Variants in ST6GALNAC4 observed in about 807,000 individuals in gnomAD.
The protein encoded by ST6GALNAC4 is ST6 N-acetylgalactosaminide alpha-2,6-sialyltransferase 4.
ST6GALNAC4 carries 24 observed loss-of-function variants against 30.4 expected under a neutral mutation model. The observed-to-expected ratio is 0.79, with a 90% CI of 0.57 to 1.11. The LOEUF is 1.11. Among genes scored for constraint, ST6GALNAC4 ranks in the 50% most tolerant of loss-of-function variants. ST6GALNAC4 has a pLI of 0.00. For synonymous variants in ST6GALNAC4, 156 were observed against 179.7 expected, an observed-to-expected ratio of 0.87 and a Z score of 1.05; for missense variants, 365 against 430.1, an observed-to-expected ratio of 0.85 and a Z score of 1.34.
Position 127,908,240 on chromosome 9 carries a change from C to T in ST6GALNAC4, c.*152G>A, listed in dbSNP as rs528408201. On this transcript the variant is annotated 3_prime_UTR_variant, in exon 6 of 6. Transcript: ENST00000335791. ...TGAGGCCTGAGATGGCTCCAAGTGT[C>T]GCCAGAATGGGGCGGGAAGGAACCT... 1.5e-5 allele frequency: 9 copies of T among 593,386 alleles called. No homozygotes were observed. The highest frequency in any genetic ancestry group is 5.3e-4 in the Middle Eastern group (1 of 1,894). 36.8% of individuals were successfully genotyped at this position (593,386 alleles called of 1,614,324 possible).
At chr9:127,913,529 G>A (rs914838554) in intron 3 of ST6GALNAC4, among the ~76,000 whole-genome samples, 8 of 152,196 alleles carry the variant, frequency 5.3e-5, no homozygotes, top group Admixed American at 3.3e-4. Context: ...AGGTTGCAGT[G>A]AGCCGAGATT....
Position 127,916,470 on chromosome 9 carries a change from C to T in ST6GALNAC4, c.-51G>A. On this transcript the variant is annotated 5_prime_UTR_variant, in exon 2 of 6. Coordinates refer to ENST00000335791, the MANE Select transcript of ST6GALNAC4 (RefSeq NM_175039.4). ...GGGGCTGCTGTCTCCAGGGCTGGGG[C>T]TGGGAAGGGGTGGGAGCCGGGCACC... 6.2e-7 allele frequency: 1 copy of T among 1,612,586 alleles called. No homozygotes were observed. Among genetic ancestry groups the T allele is most frequent in the Admixed American group, 1.7e-5 (1 of 60,012 alleles).
chr9:127,913,490 C>A (rs550473761), intron 3 of ST6GALNAC4, among the ~76,000 whole-genome samples: 63 of 152,294 alleles, frequency 4.1e-4, no homozygotes, highest in African/African-American at 1.4e-3. Context: ...GAGACTGAGG[C>A]AGAAGAATCC....
At chr9:127,909,401 A>C (rs1306363076) in intron 5 of ST6GALNAC4, among the ~76,000 whole-genome samples, 1 of 151,484 alleles carries the variant, frequency 6.6e-6, no homozygotes, top group Non-Finnish European at 1.5e-5. Context: ...AAAAAAAAAA[A>C]AGAAATATAA....
At position 127,908,429 on chromosome 9, in the gene ST6GALNAC4, G is replaced by A. The variant is rs1479798018; in HGVS notation, c.872C>T (p.Pro291Leu). Residue 291 changes from proline to leucine, a missense_variant, in exon 6 of 6, where the codon CCC becomes CTC. By Grantham distance (98) the Pro-to-Leu change is moderately conservative (BLOSUM62 -3). Transcript: ENST00000335791. ...CCAGGACGGATGGGCGAACACGATG[G>A]GCCTCTTCTTGGCCCAGCGGGAGAA... The part of the protein sequence containing the change: ...AVFSRWAKKR[P>L]IVFAHPSWRT... 2 of 1,593,940 alleles carry A rather than the reference G, an allele frequency of 1.3e-6. No individual in the cohort carries two copies.
chr9:127,913,596 A>T (rs1047834296), intron 3 of ST6GALNAC4, among the ~76,000 whole-genome samples: 1 of 151,370 alleles, frequency 6.6e-6, no homozygotes, highest in African/African-American at 2.4e-5. Flanking sequence ...ATAAATAAAC[A>T]AATAAAAATA....
In ST6GALNAC4 at chr9:127,908,369, G is replaced by A; in HGVS notation, c.*23C>T. ...CATCCCGGAGGCCTCGCAACGGCAT[G>A]GCGACTGGCAGGACGACGGAAGCTA... On this transcript the variant is annotated 3_prime_UTR_variant, in exon 6 of 6. Coordinates refer to ENST00000335791, the MANE Select transcript of ST6GALNAC4 (RefSeq NM_175039.4). The A allele has an allele frequency of 6.6e-7, 1 of 1,516,302 alleles. No homozygotes were observed. The highest frequency in any genetic ancestry group is 8.9e-7 in the Non-Finnish European group (1 of 1,122,742). The allele number at this position is 1,516,302 out of a possible 1,614,324, so 93.9% of individuals were successfully genotyped here.
chr9:127,910,590 C>T (rs1831054205), intron 4 of ST6GALNAC4: 2 of 991,036 alleles, frequency 2.0e-6, no homozygotes, highest in African/African-American at 1.7e-5. Context: ...CCAGCCCCTG[C>T]CCGCATGCCC....
chr9:127,913,170 G>A (rs371634918), intron 3 of ST6GALNAC4, among the ~76,000 whole-genome samples: 21 of 152,260 alleles, frequency 1.4e-4, no homozygotes, highest in African/African-American at 5.1e-4. Flanking sequence ...GCCCAGGACA[G>A]CTGTGGGACT....
At chr9:127,912,723 C>T (rs768854782) in intron 3 of ST6GALNAC4, 43 bp from the exon 4 acceptor site, 26 of 1,502,266 alleles carry the variant, frequency 1.7e-5, no homozygotes, top group East Asian at 2.4e-5. Context: ...GGCATGAACA[C>T]GCAGCTTACA....
intron 2 of ST6GALNAC4, 191 bp downstream of exon 2, chr9:127,916,217 G>T: frequency 1.4e-6 from 1 of 705,744 alleles, no homozygotes; most frequent in Non-Finnish European, 2.5e-6. Context: ...TGACACTGCA[G>T]AGTGGATGCC....
intron 5 of ST6GALNAC4, 39 bp downstream of exon 5, chr9:127,909,912 C>G: frequency 6.3e-7 from 1 of 1,595,502 alleles, no homozygotes; most frequent in Non-Finnish European, 8.6e-7. Flanking sequence ...GCTCACAGTC[C>G]TCCCCGCGTC....
In ST6GALNAC4 at chr9:127,908,263, C is replaced by G. The variant is rs1197771843; in HGVS notation, c.*129G>C. On this transcript the variant is annotated 3_prime_UTR_variant, in exon 6 of 6. Transcript: ENST00000335791. ...GTCGCCAGAATGGGGCGGGAAGGAA[C>G]CTTAGGTCCACCCAGCACGTGGCAG... 3.3e-6 allele frequency: 3 copies of G among 902,446 alleles called. No individual in the cohort carries two copies. Among genetic ancestry groups the G allele is most frequent in the East Asian group, 3.1e-5 (1 of 32,234 alleles). The allele number at this position is 902,446 out of a possible 1,614,324, so 55.9% of individuals were successfully genotyped here. A position where few individuals can be genotyped will look rare whatever the true frequency, so the allele number is the denominator to read the frequency against.
Position 127,912,270 on chromosome 9 carries a change from GTT to G in ST6GALNAC4, c.607_608del (p.Asn203ProfsTer23). On this transcript the variant is annotated frameshift_variant, in exon 4 of 6. Transcript: ENST00000335791. LOFTEE classifies it high-confidence loss of function. ...CAGCAGGCAGGCCCCAGGCTCACCG[GTT>G]CTTGCCCGTCTCGTCCTGGAAGATC... is the stretch of plus-strand genomic sequence containing the variant. ...DQIFQDETGK[N>X]RRQSGSFLST... is the part of the protein sequence containing the mutation. 6.2e-7 allele frequency: 1 copy of G among 1,606,634 alleles called. No individual in the cohort carries two copies. The highest frequency in any genetic ancestry group is 8.5e-7 in the Non-Finnish European group (1 of 1,175,362).
chr9:127,912,145 T>C, intron 4 of ST6GALNAC4, 123 bp downstream of exon 4: 1 of 1,251,232 alleles, frequency 8.0e-7, no homozygotes, highest in Non-Finnish European at 1.1e-6. Context: ...GGCAGGACCA[T>C]GTCTGCCTCC....
rs1288333036 is a variant in ST6GALNAC4, at chr9:127,908,463, T to C, written c.838A>G (p.Lys280Glu). The stretch of plus-strand genomic sequence containing the variant: ...TTGGCCCAGCGGGAGAAGACCGCCT[T>C]CTCAGTGATGAAGCGGTGGGCGCTT... ...PRSAHRFITE[K>E]AVFSRWAKKR... The change falls in exon 6 of 6, where the codon AAG becomes GAG. Residue 280 changes from lysine to glutamate, a missense_variant. Lys to Glu is a moderately conservative substitution (Grantham distance 56, BLOSUM62 1). Transcript: ENST00000335791. 4 of 1,608,094 alleles carry C rather than the reference T, an allele frequency of 2.5e-6. No homozygotes were observed. The highest frequency in any genetic ancestry group is 2.2e-5 in the South Asian group (2 of 90,546).
chr9:127,912,325 G>A lies in ST6GALNAC4; in HGVS notation c.554C>T (p.Thr185Met), dbSNP rs150742627. 30 of 1,613,924 alleles carry A rather than the reference G, an allele frequency of 1.9e-5. No homozygotes were observed. The highest frequency in any genetic ancestry group is 4.0e-5 in the African/African-American group (3 of 74,928). Residue 185 changes from threonine (T) to methionine (M), a missense_variant, in exon 4 of 6, where the codon ACG becomes ATG. Thr to Met is a moderately conservative substitution (Grantham distance 81). Transcript: ENST00000335791. ...GTCGCAGTAGGCCATCATGCGCTCC[G>A]TGAAGGTGTACACCTGCAGGCCGGG... Reference protein sequence around the residue: ...MYPGLQVYTFTERMMAYCDQI... With the variant: ...MYPGLQVYTFMERMMAYCDQI...
chr9:127,915,979 G>T, intron 2 of ST6GALNAC4: 1 of 236,424 alleles, frequency 4.2e-6, no homozygotes. Flanking sequence ...AGCTGTGCAG[G>T]GGAGGGAGTT....
rs77491705 is a variant in ST6GALNAC4, at chr9:127,915,431, C to T, written c.13-590G>A. Among the ~76,000 whole-genome samples the T allele has an allele frequency of 9.8e-3, 1,497 of 152,326 alleles. 26 individuals carry two copies. The highest frequency in any genetic ancestry group is 0.034 in the African/African-American group (1,430 of 41,572). Reference sequence around the variant, plus strand: ...CACCCCCAGCTGACTCAGTGGCTGTCCCCTGGTGATCCGGATCTGGGTCAG... The same window carrying T: ...CACCCCCAGCTGACTCAGTGGCTGTTCCCTGGTGATCCGGATCTGGGTCAG... On this transcript the variant is annotated intron_variant, in intron 2 of 5. Transcript: ENST00000335791.
Sources: gnomAD v4.1 joint callset for allele counts (sites outside exome capture counted in the v4.1 genomes callset) on GRCh38, gnomAD v4.1.1 for gene constraint, MANE v1.5 for transcripts, NCBI Gene and HGNC (gene_info 2026-07-23, HGNC 2026-07-21) for gene names.